Variants in GLRA1 observed in about 807,000 individuals in gnomAD.
The protein encoded by GLRA1 is glycine receptor subunit alpha-1.
A neutral mutation model predicts 48.3 loss-of-function variants in GLRA1; 37 were observed. The observed-to-expected ratio is 0.77, with a 90% CI of 0.59 to 1.01. GLRA1 has a LOEUF of 1.01. Ranked by LOEUF, GLRA1 falls within the 50% of genes least tolerant of loss-of-function variation. GLRA1 has a pLI of 0.00. For missense variants in GLRA1, 427 were observed against 571.0 expected, an observed-to-expected ratio of 0.75 and a Z score of 2.57; for synonymous variants, 196 against 210.7, an observed-to-expected ratio of 0.93 and a Z score of 0.60.
intron 1 of GLRA1, among the ~76,000 whole-genome samples, chr5:151,893,510 G>A (rs553500379): frequency 6.6e-6 from 1 of 151,730 alleles, no homozygotes; most frequent in Non-Finnish European, 1.5e-5. Flanking sequence ...CCCTCGCCTT[G>A]CCCCCCACTA....
intron 3 of GLRA1, among the ~76,000 whole-genome samples, chr5:151,880,648 A>G (rs1341398099): frequency 6.6e-6 from 1 of 152,230 alleles, no homozygotes; most frequent in East Asian, 1.9e-4. Context: ...ATACAGTTCT[A>G]CACAAATTCC....
chr5:151,896,129 T>C (rs1274223611), intron 1 of GLRA1, among the ~76,000 whole-genome samples: 1 of 152,220 alleles, frequency 6.6e-6, no homozygotes, highest in East Asian at 1.9e-4. Context: ...TAGCATAACA[T>C]GCCATTTAAT....
At chr5:151,830,939 T>C (rs570214511) in intron 7 of GLRA1, among the ~76,000 whole-genome samples, 202 of 152,294 alleles carry the variant, frequency 1.3e-3, no homozygotes, top group African/African-American at 4.4e-3. Context: ...CATTTCTAAC[T>C]GAGGTACCCA....
intron 1 of GLRA1, among the ~76,000 whole-genome samples, chr5:151,923,452 G>A (rs1754928158): frequency 6.6e-6 from 1 of 152,190 alleles, no homozygotes; most frequent in African/African-American, 2.4e-5. Context: ...AGTAAAATAT[G>A]AGAGGCAGGC....
intron 3 of GLRA1, among the ~76,000 whole-genome samples, chr5:151,881,580 C>T (rs150557601): frequency 7.9e-5 from 12 of 151,240 alleles, no homozygotes; most frequent in African/African-American, 2.2e-4. Context: ...AAGCAATCTG[C>T]GCACCTTGGC....
In GLRA1 at chr5:151,923,494, A is replaced by G. The variant is rs576414364; in HGVS notation, c.56+1000T>C. ...AATGAGGAAGATTAATGATCCCTGC[A>G]TGTCATGGAAGAAGAATAATGTTTT... On this transcript the variant is annotated intron_variant, in intron 1 of 8. Coordinates refer to ENST00000274576, the MANE Select transcript of GLRA1 (RefSeq NM_000171.4). Among the ~76,000 whole-genome samples the G allele has an allele frequency of 9.2e-4, 140 of 152,364 alleles. 1 individual carries two copies. The highest frequency in any genetic ancestry group is 1.8e-3 in the Non-Finnish European group (121 of 68,034).
chr5:151,897,851 A>G (rs978148609), intron 1 of GLRA1, among the ~76,000 whole-genome samples: 3 of 152,200 alleles, frequency 2.0e-5, no homozygotes, highest in Non-Finnish European at 2.9e-5. Flanking sequence ...GTTTCTAGGT[A>G]TGATGTATTA....
At chr5:151,896,522 A>G (rs558337864) in intron 1 of GLRA1, among the ~76,000 whole-genome samples, 1 of 152,230 alleles carries the variant, frequency 6.6e-6, no homozygotes, top group Non-Finnish European at 1.5e-5. Flanking sequence ...CTGTATATAC[A>G]CTGCTCTGAA....
intron 1 of GLRA1, among the ~76,000 whole-genome samples, chr5:151,911,478 C>T (rs1399639482): frequency 6.6e-6 from 1 of 152,026 alleles, no homozygotes; most frequent in Non-Finnish European, 1.5e-5. Context: ...TTATAATTCC[C>T]ATTTAACAGA....
intron 3 of GLRA1, among the ~76,000 whole-genome samples, chr5:151,869,922 A>G (rs1352009178): frequency 6.7e-6 from 1 of 149,480 alleles, no homozygotes; most frequent in African/African-American, 2.6e-5. Context: ...CTGGTTCCCA[A>G]TTTCACACTC....
intron 1 of GLRA1, among the ~76,000 whole-genome samples, chr5:151,896,299 G>T (rs1347908747): frequency 1.3e-5 from 2 of 152,200 alleles, no homozygotes; most frequent in African/African-American, 4.8e-5. Flanking sequence ...CAAGTAACTG[G>T]CTCCAAGTCA....
At position 151,829,068 on chromosome 5, in the gene GLRA1, C is replaced by G; in HGVS notation, c.913-1G>C. 1 of 1,613,748 alleles carries G rather than the reference C, an allele frequency of 6.2e-7. No individual in the cohort carries two copies. The highest frequency in any genetic ancestry group is 8.5e-7 in the Non-Finnish European group (1 of 1,179,854). ...TGTCAATGGCTTTCACATAGGACAC[C>G]TAGAGTGGGGGTGGAGGAGAAACAG... On this transcript the variant is annotated splice_acceptor_variant, in intron 7 of 8. Transcript: ENST00000274576. LOFTEE classifies it high-confidence loss of function.
intron 3 of GLRA1, among the ~76,000 whole-genome samples, chr5:151,868,833 C>T (rs958506838): frequency 2.6e-5 from 4 of 152,160 alleles, no homozygotes; most frequent in Non-Finnish European, 5.9e-5. Flanking sequence ...TGTGGACTGC[C>T]CAGATCCCTG....
chr5:151,875,471 G>T (rs1161314678), intron 3 of GLRA1: 2 of 152,148 alleles, frequency 1.3e-5, no homozygotes, highest in Admixed American at 6.5e-5. Flanking sequence ...ACCACACCTG[G>T]CTATAAGGGG....
chr5:151,919,598 T>C (rs1414542806), intron 1 of GLRA1, among the ~76,000 whole-genome samples: 1 of 152,244 alleles, frequency 6.6e-6, no homozygotes, highest in Non-Finnish European at 1.5e-5. Flanking sequence ...CTTCAATAGC[T>C]GTAACCAAAG....
At position 151,915,500 on chromosome 5, in the gene GLRA1, G is replaced by A. The variant is rs978027547; in HGVS notation, c.56+8994C>T. 2.6e-5 allele frequency among the ~76,000 whole-genome samples: 4 copies of A among 152,088 alleles called. No individual in the cohort carries two copies. The South Asian group carries it at 8.3e-4, about 32-fold the overall frequency. On this transcript the variant is annotated intron_variant, in intron 1 of 8. Coordinates refer to ENST00000274576, the MANE Select transcript of GLRA1 (RefSeq NM_000171.4). Reference sequence around the variant, plus strand: ...AAAAAGTATAAGTGTTCATCAATAGGGGATGGCTAGAAAACAATGGGACAT... The same window carrying A: ...AAAAAGTATAAGTGTTCATCAATAGAGGATGGCTAGAAAACAATGGGACAT...
In GLRA1 at chr5:151,855,078, T is replaced by C; in HGVS notation, c.659A>G (p.Glu220Gly). 1 of 1,614,172 alleles carries C rather than the reference T, an allele frequency of 6.2e-7. No homozygotes were observed. Among genetic ancestry groups the C allele is most frequent in the Non-Finnish European group, 8.5e-7 (1 of 1,180,014 alleles). ...LTLPQFILKE[E>G]KDLRYCTKHY... The stretch of plus-strand genomic sequence containing the variant: ...CTTGGTGCAGTATCTCAAGTCCTTC[T>C]CTTCCTTCAAGATAAACTGGGGCAG... Residue 220 changes from glutamate to glycine, a missense_variant, in exon 6 of 9, where the codon GAG (glutamate) becomes GGG (glycine). Glu to Gly is a moderately conservative substitution (Grantham distance 98). Around this residue, in one of 4 missense-constraint regions of GLRA1, gnomAD observed 271 missense variants for 434.9 expected, o/e 0.62. Transcript: ENST00000274576.
intron 1 of GLRA1, 50 bp downstream of exon 1, chr5:151,924,444 C>G (rs775732411): frequency 6.9e-6 from 8 of 1,151,900 alleles, no homozygotes; most frequent in South Asian, 4.9e-5. Context: ...CCTCCGTACT[C>G]TTTCCCCCCA....
At chr5:151,853,608 T>C (rs999635709) in intron 6 of GLRA1, among the ~76,000 whole-genome samples, 3 of 152,128 alleles carry the variant, frequency 2.0e-5, no homozygotes, top group African/African-American at 7.2e-5. Context: ...TTTGAATATT[T>C]GACCCCATCA....
Sources: allele counts gnomAD v4.1 joint callset (sites outside exome capture counted in the v4.1 genomes callset), GRCh38; gene constraint gnomAD v4.1.1; regional missense constraint gnomAD v4.1.1; transcripts MANE v1.5; gene names NCBI Gene and HGNC (gene_info 2026-07-23, HGNC 2026-07-21).